DOCK1: variants seen among roughly 807,000 people sequenced by gnomAD.
DOCK1 encodes the protein dedicator of cytokinesis 1, also known as dedicator of cytokinesis protein 1.
In DOCK1, 138 loss-of-function variants were observed where a neutral mutation model predicts 262.7. The observed-to-expected ratio is 0.53, with a 90% confidence interval of 0.46 to 0.61. The LOEUF (loss-of-function observed/expected upper bound fraction) is 0.61. Among genes scored for constraint, DOCK1 ranks in the 20% least tolerant of loss-of-function variants. DOCK1 has a pLI of 0.00. For synonymous variants in DOCK1, 866 were observed against 867.4 expected (o/e 1.00, Z 0.03); for missense variants, 1,908 against 2,370.7 (o/e 0.80, Z 4.05).
rs144185880 is a variant in DOCK1 at position 127,378,097 on chromosome 10, T to C, written c.3676-1985T>C. Among the ~76,000 whole-genome samples the C allele has an allele frequency of 5.2e-3, 791 of 152,284 alleles. 5 individuals carry two copies. Among genetic ancestry groups the C allele is most frequent in the African/African-American group, 0.018 (756 of 41,552 alleles). On this transcript the variant is annotated intron_variant, in intron 35 of 51. Transcript: ENST00000623213. Reference sequence around the variant, plus strand: ...TTTAATTATTGGTCACTAATGTTGCTGAGTGTCACTTAGTGCTTCTGTGCA... The same window carrying C: ...TTTAATTATTGGTCACTAATGTTGCCGAGTGTCACTTAGTGCTTCTGTGCA...
At chr10:127,030,182 T>G (rs2043141803) in intron 16 of DOCK1, among the ~76,000 whole-genome samples, 1 of 152,162 alleles carries the variant, frequency 6.6e-6, no homozygotes, top group Non-Finnish European at 1.5e-5. Flanking sequence ...TGTGTCATTC[T>G]CCCTCTCTGA....
intron 27 of DOCK1, among the ~76,000 whole-genome samples, chr10:127,241,251 G>A (rs577348522): frequency 5.9e-5 from 9 of 152,246 alleles, no homozygotes; most frequent in African/African-American, 1.9e-4. Flanking sequence ...CCCAGGAAGC[G>A]GAGGTTGCAG....
intron 27 of DOCK1, among the ~76,000 whole-genome samples, chr10:127,187,744 AAGAGAGAAAGAG>A (rs2056411488): frequency 2.5e-5 from 1 of 40,084 alleles, no homozygotes; most frequent in Admixed American, 3.0e-4. Flanking sequence ...GAAAGAAAGA[AAGAGAGAAAGAG>A]AGAAAGAAAG....
chr10:127,352,952 T>C (rs2063956695), intron 31 of DOCK1, among the ~76,000 whole-genome samples: 1 of 152,140 alleles, frequency 6.6e-6, no homozygotes, highest in Admixed American at 6.5e-5. Flanking sequence ...GTAGCTGGGA[T>C]GTGAGAAGCA....
chr10:127,050,164 A>G (rs1161477722), intron 21 of DOCK1, among the ~76,000 whole-genome samples: 2 of 151,418 alleles, frequency 1.3e-5, no homozygotes, highest in Non-Finnish European at 2.9e-5. Context: ...TTCATTTGTA[A>G]TTGTTTCTGT....
intron 1 of DOCK1, among the ~76,000 whole-genome samples, chr10:126,932,281 C>A (rs957778442): frequency 6.6e-6 from 1 of 152,120 alleles, no homozygotes; most frequent in Non-Finnish European, 1.5e-5. Context: ...TGTTGGCATG[C>A]GCCTAGTCTC....
At position 127,057,537 on chromosome 10, in the gene DOCK1, A is replaced by G. The variant is rs78494014; in HGVS notation, c.2337-4131A>G. Among the ~76,000 whole-genome samples, 21 of 152,342 alleles carry G rather than the reference A, an allele frequency of 1.4e-4. No homozygotes were observed. The East Asian group carries it at 4.1e-3, about 29-fold the overall frequency. On this transcript the variant is annotated intron_variant, in intron 22 of 51. Transcript: ENST00000623213. ...AAGCTCATTTTGTTTTGAAATGAGA[A>G]CAACAGTTTAAAAGCTATGGCCCAA...
intron 27 of DOCK1, among the ~76,000 whole-genome samples, chr10:127,207,840 T>A (rs1040821721): frequency 4.6e-5 from 7 of 152,224 alleles, no homozygotes; most frequent in African/African-American, 7.2e-5. Flanking sequence ...TGGGCCAGAT[T>A]TGGTCCACAG....
intron 38 of DOCK1, among the ~76,000 whole-genome samples, chr10:127,395,062 T>A (rs969288051): frequency 2.0e-5 from 3 of 152,148 alleles, no homozygotes; most frequent in Admixed American, 1.3e-4. Flanking sequence ...TTTCAGAGTG[T>A]GAGAATAGCG....
chr10:127,202,157 T>C (rs926833730), intron 27 of DOCK1, among the ~76,000 whole-genome samples: 1 of 152,090 alleles, frequency 6.6e-6, no homozygotes, highest in African/African-American at 2.4e-5. Flanking sequence ...AGCTTGTCTC[T>C]ACTAAAAATA....
chr10:127,276,265 G>T (rs987591003), intron 29 of DOCK1, among the ~76,000 whole-genome samples: 3 of 152,268 alleles, frequency 2.0e-5, no homozygotes, highest in East Asian at 3.9e-4. Context: ...CTAGAGAGAT[G>T]ACTTGTGTCT....
chr10:127,196,533 C>T (rs1402702199), intron 27 of DOCK1, among the ~76,000 whole-genome samples: 3 of 147,434 alleles, frequency 2.0e-5, no homozygotes, highest in African/African-American at 7.3e-5. Flanking sequence ...GGCGAGGGCG[C>T]CCCAAGCCGC....
At chr10:126,920,383 A>G (rs1347636653) in intron 1 of DOCK1, among the ~76,000 whole-genome samples, 1 of 152,212 alleles carries the variant, frequency 6.6e-6, no homozygotes, top group African/African-American at 2.4e-5. Context: ...AATAGAAGAA[A>G]AGTGGATTTT....
chr10:127,156,868 C>T (rs569442522), intron 27 of DOCK1, among the ~76,000 whole-genome samples: 238 of 152,168 alleles, frequency 1.6e-3, no homozygotes, highest in Middle Eastern at 0.01. Context: ...ATGCCTGGCC[C>T]GAGATATTGC....
intron 1 of DOCK1, among the ~76,000 whole-genome samples, chr10:126,941,719 C>T (rs1041567678): frequency 4.6e-4 from 70 of 152,158 alleles, no homozygotes; most frequent in Non-Finnish European, 4.9e-4. Context: ...CGTGCCACTG[C>T]ACTCCAGCCT....
chr10:127,359,758 G>A (rs780550162), intron 32 of DOCK1, among the ~76,000 whole-genome samples: 6 of 152,156 alleles, frequency 3.9e-5, no homozygotes, highest in Non-Finnish European at 7.3e-5. Context: ...TGAGGATTAC[G>A]TATTCTCTTA....
intron 31 of DOCK1, among the ~76,000 whole-genome samples, chr10:127,348,688 A>G (rs1419527853): frequency 1.3e-5 from 2 of 152,162 alleles, no homozygotes; most frequent in East Asian, 3.9e-4. Context: ...AGAAGTCTGC[A>G]GTGTTCTAAG....
At chr10:127,304,354 C>G (rs978502356) in intron 29 of DOCK1, among the ~76,000 whole-genome samples, 7 of 152,138 alleles carry the variant, frequency 4.6e-5, no homozygotes, top group African/African-American at 1.4e-4. Context: ...AAAATAAATT[C>G]CTTTTTTATG....
intron 32 of DOCK1, among the ~76,000 whole-genome samples, chr10:127,359,290 A>G (rs890769127): frequency 1.3e-5 from 2 of 152,174 alleles, no homozygotes; most frequent in Non-Finnish European, 2.9e-5. Context: ...CTTCTGTACT[A>G]ATAAGGAGGG....
Sources: allele counts gnomAD v4.1 joint callset (sites outside exome capture counted in the v4.1 genomes callset), GRCh38; gene constraint gnomAD v4.1.1; transcripts MANE v1.5; gene names NCBI Gene and HGNC (gene_info 2026-07-23, HGNC 2026-07-21).